NUTM1: variants seen among roughly 807,000 people sequenced by gnomAD.
NUTM1 encodes NUT midline carcinoma family member 1.
A neutral mutation model predicts 88.7 loss-of-function variants in NUTM1; 39 were observed. That is an observed-to-expected ratio of 0.44 (90% CI 0.34 to 0.57). The LOEUF is 0.57. Ranked by LOEUF, NUTM1 falls within the 20% of genes least tolerant of loss-of-function variation. NUTM1 has a pLI of 0.01. For synonymous variants in NUTM1, 494 were observed against 538.0 expected (o/e 0.92, Z 1.13); for missense variants, 1,350 against 1,414.5 (o/e 0.95, Z 0.73).
Position 34,355,772 on chromosome 15 carries a change from C to G in NUTM1, c.1764C>G (p.Pro588=). 6.2e-7 allele frequency: 1 copy of G among 1,614,228 alleles called. No homozygotes were observed. ...MHRDGNTLPS[P]SSWDLQPELA... ...GGGATGGGAACACTCTGCCATCCCC[C>G]AGCAGCTGGGACCTGCAGCCAGAAC... Residue 588 remains proline (P), a synonymous_variant, in exon 8 of 8, where the codon CCC becomes CCG. Transcript: ENST00000537011. This position sits in a 1 kb window ranked among gnomAD's most constrained non-coding sequence, Gnocchi z 4.3.
intron 6 of NUTM1, 143 bp downstream of exon 6, chr15:34,354,875 G>A: frequency 9.7e-7 from 1 of 1,026,740 alleles, no homozygotes; most frequent in Admixed American, 2.0e-5. Flanking sequence ...ATCATCATGA[G>A]AATGTGTGTA....
intron 3 of NUTM1, 135 bp from the exon 4 acceptor site, chr15:34,350,569 A>G (rs1890685601): frequency 3.1e-6 from 3 of 982,202 alleles, no homozygotes; most frequent in Non-Finnish European, 4.4e-6. Context: ...AAGTCTAATC[A>G]GAAGTGGGAC....
At chr15:34,350,668 A>G (rs1156870731) in intron 3 of NUTM1, 36 bp from the exon 4 acceptor site, 1 of 1,600,252 alleles carries the variant, frequency 6.2e-7, no homozygotes. Context: ...ATGGGAGCAC[A>G]CTTTTAGAAT....
At chr15:34,347,498 T>A (rs1890615698) in intron 2 of NUTM1, among the ~76,000 whole-genome samples, 1 of 152,026 alleles carries the variant, frequency 6.6e-6, no homozygotes, top group Non-Finnish European at 1.5e-5. Flanking sequence ...AGTCAAGCAA[T>A]CCTTCCACCT....
At position 34,356,934 on chromosome 15, in the gene NUTM1, C is replaced by G. The variant is rs150040191; in HGVS notation, c.2926C>G (p.Pro976Ala). The G allele has an allele frequency of 4.3e-6, 7 of 1,613,738 alleles. No homozygotes were observed. Among genetic ancestry groups the G allele is most frequent in the East Asian group, 4.5e-5 (2 of 44,858 alleles). Reference sequence around the variant, plus strand: ...TCTGTCCAAGCCTAAAAACCTTGCTCCTTTACAAGAGAGTCAGGAGTCTTA... The same window carrying G: ...TCTGTCCAAGCCTAAAAACCTTGCTGCTTTACAAGAGAGTCAGGAGTCTTA... ...PDLSKPKNLA[P>A]LQESQESYTT... Residue 976 changes from proline (P) to alanine (A), a missense_variant, in exon 8 of 8, where the codon CCT becomes GCT. By Grantham distance (27) the Pro-to-Ala change is conservative (BLOSUM62 -1). Transcript: ENST00000537011.
At position 34,348,207 on chromosome 15, in the gene NUTM1, T is replaced by C. The variant is rs1890638501; in HGVS notation, c.339T>C (p.Ala113=). 1.2e-6 allele frequency: 2 copies of C among 1,614,216 alleles called. No homozygotes were observed. Among genetic ancestry groups the C allele is most frequent in the Non-Finnish European group, 1.7e-6 (2 of 1,180,012 alleles). The stretch of plus-strand genomic sequence containing the variant: ...GCCCTTGCCTCAGTGGGGCTGGGGC[T>C]GGCAAGGTCATTGTCAAAGTCAAGA... The part of the protein sequence containing the change: ...DGGPCLSGAG[A]GKVIVKVKTE... Residue 113 remains alanine, a synonymous_variant, in exon 3 of 8, where the codon GCT becomes GCC. Coordinates refer to ENST00000537011, the MANE Select transcript of NUTM1 (RefSeq NM_001284292.2).
chr15:34,349,151 GCTGCTCCCT>G (rs1890662723), intron 3 of NUTM1, among the ~76,000 whole-genome samples: 1 of 152,212 alleles, frequency 6.6e-6, no homozygotes, highest in Non-Finnish European at 1.5e-5. Flanking sequence ...CTTTGTGTGT[GCTGCTCCCT>G]CTGCTCCCTC....
chr15:34,355,986 A>G lies in NUTM1; in HGVS notation c.1978A>G (p.Ser660Gly), dbSNP rs751229401. The change falls in exon 8 of 8, where the codon AGC becomes GGC. Residue 660 changes from serine to glycine, a missense_variant. Ser to Gly is a moderately conservative substitution (Grantham distance 56). Coordinates refer to ENST00000537011, the MANE Select transcript of NUTM1 (RefSeq NM_001284292.2). This position sits in a 1 kb window ranked among gnomAD's most constrained non-coding sequence, Gnocchi z 4.3. Reference sequence around the variant, plus strand: ...TTGGCAGGGAGGCTTCCAGCCTGAGAGCACTCCCAGTTTGGATGCTGGACT... The same window carrying G: ...TTGGCAGGGAGGCTTCCAGCCTGAGGGCACTCCCAGTTTGGATGCTGGACT... ...LCWQGGFQPE[S>G]TPSLDAGLAE... 11 of 1,614,014 alleles carry G rather than the reference A, an allele frequency of 6.8e-6. No homozygotes were observed. The highest frequency in any genetic ancestry group is 9.3e-6 in the Non-Finnish European group (11 of 1,180,024).
chr15:34,356,324 G>C lies in NUTM1; in HGVS notation c.2316G>C (p.Glu772Asp). The C allele has an allele frequency of 6.2e-7, 1 of 1,613,966 alleles. No homozygotes were observed. Among genetic ancestry groups the C allele is most frequent in the Middle Eastern group, 1.7e-4 (1 of 6,060 alleles). Residue 772 changes from glutamate to aspartate, a missense_variant, in exon 8 of 8, where the codon GAG becomes GAC. Around this residue, in one of 5 missense-constraint regions of NUTM1, gnomAD observed 730 missense variants for 728.8 expected, o/e 1.00. Transcript: ENST00000537011. ...CTGTACAAATAGAGGAGGTCATAGA[G>C]AGCTTCCAAGTTGAGAAGTGTGTAA... is the stretch of plus-strand genomic sequence containing the variant. ...ELPVQIEEVI[E>D]SFQVEKCVTE...
intron 5 of NUTM1, 116 bp downstream of exon 5, chr15:34,353,988 G>T: frequency 1.7e-6 from 2 of 1,198,496 alleles, no homozygotes; most frequent in East Asian, 2.4e-5. Context: ...TCCCTCTGGA[G>T]AGTGGCATTT....
chr15:34,346,821 T>C (rs1890599080), intron 2 of NUTM1, among the ~76,000 whole-genome samples: 1 of 126,166 alleles, frequency 7.9e-6, no homozygotes, highest in African/African-American at 3.1e-5. Context: ...AGGCGGAGGT[T>C]GCAGTGAGCT....
chr15:34,343,987 C>T (rs2140148604), intron 1 of NUTM1, among the ~76,000 whole-genome samples: 1 of 144,846 alleles, frequency 6.9e-6, no homozygotes. Flanking sequence ...CACTGGGAGG[C>T]TGAGGCAGGC....
intron 2 of NUTM1, among the ~76,000 whole-genome samples, chr15:34,347,250 T>G (rs1023925469): frequency 1.1e-4 from 16 of 142,866 alleles, no homozygotes; most frequent in African/African-American, 3.5e-4. Flanking sequence ...AGACGTCATC[T>G]CTACAATTTT....
At chr15:34,346,065 T>C in intron 2 of NUTM1, 30 bp downstream of exon 2, 1 of 1,606,244 alleles carries the variant, frequency 6.2e-7, no homozygotes, top group Non-Finnish European at 8.5e-7. Context: ...GGAGGATTTC[T>C]GGTACCTGCT....
In NUTM1 at chr15:34,357,479, T is replaced by A; in HGVS notation, c.3471T>A (p.Arg1157=). The change falls in exon 8 of 8, where the codon CGT becomes CGA. Residue 1157 remains arginine (R), a synonymous_variant. Coordinates refer to ENST00000537011, the MANE Select transcript of NUTM1 (RefSeq NM_001284292.2). ...SFVTGRRKKR[R]RSQ Reference sequence around the variant, plus strand: ...TCACGGGCAGAAGGAAGAAACGACGTCGTAGCCAGTAGGGAGCAGCGGGAC... The same window carrying A: ...TCACGGGCAGAAGGAAGAAACGACGACGTAGCCAGTAGGGAGCAGCGGGAC... 1 of 1,612,744 alleles carries A rather than the reference T, an allele frequency of 6.2e-7. No homozygotes were observed. Among genetic ancestry groups the A allele is most frequent in the East Asian group, 2.2e-5 (1 of 44,854 alleles).
intron 3 of NUTM1, among the ~76,000 whole-genome samples, chr15:34,349,581 C>T (rs1890670359): frequency 6.6e-6 from 1 of 152,172 alleles, no homozygotes; most frequent in African/African-American, 2.4e-5. Context: ...ACAGTCTTCC[C>T]TTCCCACCCA....
chr15:34,347,810 G>A (rs1036925128), intron 2 of NUTM1, among the ~76,000 whole-genome samples, 159 bp from the exon 3 acceptor site: 10 of 152,128 alleles, frequency 6.6e-5, no homozygotes, highest in African/African-American at 2.4e-4. Flanking sequence ...CCGAGATTGT[G>A]CCACTGCACT....
Position 34,348,133 on chromosome 15 carries a change from C to T in NUTM1, c.265C>T (p.Leu89=), listed in dbSNP as rs752993555. The part of the protein sequence containing the change: ...MPSVFSPDNP[L]MLSAFPSSLL... ...TTCAGTATTCTCTCCAGACAACCCTCTGATGCTCTCTGCTTTCCCCAGCTC... is the reference window on the plus strand; with the variant it reads ...TTCAGTATTCTCTCCAGACAACCCTTTGATGCTCTCTGCTTTCCCCAGCTC... Residue 89 remains leucine, a synonymous_variant, in exon 3 of 8, where the codon CTG becomes TTG. Coordinates refer to ENST00000537011, the MANE Select transcript of NUTM1 (RefSeq NM_001284292.2). 1.2e-6 allele frequency: 2 copies of T among 1,614,238 alleles called. No homozygotes were observed. Among genetic ancestry groups the T allele is most frequent in the Non-Finnish European group, 1.7e-6 (2 of 1,180,048 alleles).
intron 1 of NUTM1, among the ~76,000 whole-genome samples, chr15:34,345,090 A>G (rs1450810117): frequency 6.6e-6 from 1 of 152,190 alleles, no homozygotes; most frequent in Non-Finnish European, 1.5e-5. Flanking sequence ...TCAGGTCTTT[A>G]GAAAAGAGAA....
Sources: allele counts gnomAD v4.1 joint callset (sites outside exome capture counted in the v4.1 genomes callset), GRCh38; gene constraint gnomAD v4.1.1; regional missense constraint gnomAD v4.1.1; non-coding constraint Gnocchi (gnomAD v3.1); transcripts MANE v1.5; gene names NCBI Gene and HGNC (gene_info 2026-07-23, HGNC 2026-07-21).